PLRG1: variants seen among roughly 807,000 people sequenced by gnomAD.
PLRG1 encodes the protein pleiotropic regulator 1 (PRL1 homolog, Arabidopsis).
A neutral mutation model predicts 74.9 loss-of-function variants in PLRG1; 28 were observed. That is an observed-to-expected ratio of 0.37 (90% confidence interval 0.28 to 0.51). The LOEUF (loss-of-function observed/expected upper bound fraction) is 0.51, where lower values mean the gene tolerates loss of function less well. Ranked by LOEUF, PLRG1 falls within the 20% of genes least tolerant of loss-of-function variation. The probability of loss-of-function intolerance (pLI) is 0.91; values close to 1 mark genes in which losing one functional copy is unlikely to be tolerated. For synonymous variants in PLRG1, 197 were observed against 212.4 expected (o/e 0.93, Z 0.63); for missense variants, 445 against 631.9 (o/e 0.70, Z 3.17).
At chr4:154,550,212 A>G (rs1055182985) in intron 1 of PLRG1, 88 bp downstream of exon 1, 2 of 1,162,050 alleles carry the variant, frequency 1.7e-6, no homozygotes, top group East Asian at 4.7e-5. Context: ...TTCTCTCTGG[A>G]CTCCAAGTAC....
intron 9 of PLRG1, 26 bp downstream of exon 9, chr4:154,540,759 T>G (rs1218876315): frequency 6.2e-7 from 1 of 1,611,644 alleles, no homozygotes; most frequent in Non-Finnish European, 8.5e-7. Flanking sequence ...GTTCACAATG[T>G]TTTAAATCCT....
rs1729527065 is a variant in PLRG1 at position 154,540,026 on chromosome 4, C to T, written c.967G>A (p.Val323Ile). The part of the protein sequence containing the change: ...RIWDVRTKAS[V>I]HTLSGHTNAV... ...TTTGTATGTCCAGATAATGTGTGTACACTGGCTTTAGTTCTCACATCCCAA... is the reference window on the plus strand; with the variant it reads ...TTTGTATGTCCAGATAATGTGTGTATACTGGCTTTAGTTCTCACATCCCAA... The change falls in exon 11 of 15, where the codon GTA (valine) becomes ATA (isoleucine). Residue 323 changes from valine to isoleucine, a missense_variant. Transcript: ENST00000499023. The T allele has an allele frequency of 1.9e-6, 3 of 1,597,338 alleles. No homozygotes were observed. The highest frequency in any genetic ancestry group is 4.5e-5 in the East Asian group (2 of 44,738).
chr4:154,545,735 T>C (rs1286704132), intron 6 of PLRG1, 101 bp downstream of exon 6: 2 of 641,890 alleles, frequency 3.1e-6, no homozygotes, highest in Non-Finnish European at 5.4e-6. Context: ...TATGAATGAC[T>C]AGCTCAGGCT....
intron 4 of PLRG1, chr4:154,546,701 T>C (rs1022243499): frequency 7.5e-6 from 3 of 397,534 alleles, no homozygotes; most frequent in Non-Finnish European, 1.4e-5. Context: ...CTTCTAACAT[T>C]TCCATCATTT....
In PLRG1 at chr4:154,539,245, A is replaced by G. The variant is rs201154483; in HGVS notation, c.1043-32T>C. On this transcript the variant is annotated intron_variant, in intron 11 of 14. Transcript: ENST00000499023. ...TGGAAACACATATATCCCTCAAAAC[A>G]TAGACCAGGAAAAATAATGCAAAAG... The G allele has an allele frequency of 3.7e-5, 44 of 1,199,918 alleles. No homozygotes were observed. The Admixed American group carries it at 6.2e-4, about 17-fold the overall frequency. The allele number at this position is 1,199,918 out of a possible 1,614,324, so 74.3% of individuals were successfully genotyped here.
intron 11 of PLRG1, among the ~76,000 whole-genome samples, chr4:154,539,659 T>C (rs958635080): frequency 3.3e-5 from 5 of 152,078 alleles, no homozygotes; most frequent in South Asian, 2.1e-4. Flanking sequence ...TTCAATTTCT[T>C]AGAAAAATAA....
Position 154,538,001 on chromosome 4 carries a change from G to T in PLRG1, c.1259C>A (p.Thr420Lys). 6.5e-7 allele frequency: 1 copy of T among 1,531,388 alleles called. No individual in the cohort carries two copies. The highest frequency in any genetic ancestry group is 1.4e-5 in the African/African-American group (1 of 73,084). The allele number at this position is 1,531,388 out of a possible 1,614,324, so 94.9% of individuals were successfully genotyped here. ...TACAAGCACTCCATCAGAATTTACCGTCAATGTGTTAATAATAGCATTATG... is the reference window on the plus strand; with the variant it reads ...TACAAGCACTCCATCAGAATTTACCTTCAATGTGTTAATAATAGCATTATG... ...SGHNAIINTLTVNSDGVLVSG... is the reference protein window; with the variant it reads ...SGHNAIINTLKVNSDGVLVSG... Residue 420 changes from threonine to lysine, a missense_variant, in exon 13 of 15, where the codon ACG becomes AAG. Coordinates refer to ENST00000499023, the MANE Select transcript of PLRG1 (RefSeq NM_002669.4).
In PLRG1 at chr4:154,537,968, C is replaced by A; in HGVS notation, c.1291+1G>T. The A allele has an allele frequency of 1.4e-6, 2 of 1,439,830 alleles. No individual in the cohort carries two copies. Among genetic ancestry groups the A allele is most frequent in the Non-Finnish European group, 1.9e-6 (2 of 1,065,846 alleles). 89.2% of individuals were successfully genotyped at this position (1,439,830 alleles called of 1,614,324 possible). A position where few individuals can be genotyped will look rare whatever the true frequency, so the allele number is the denominator to read the frequency against. ...TATTTATTATAAAAATCTTATTTTA[C>A]CTCCAGATACAAGCACTCCATCAGA... On this transcript the variant is annotated splice_donor_variant, in intron 13 of 14. Coordinates refer to ENST00000499023, the MANE Select transcript of PLRG1 (RefSeq NM_002669.4). LOFTEE classifies it high-confidence loss of function.
intron 6 of PLRG1, 136 bp downstream of exon 6, chr4:154,545,700 C>A: frequency 5.7e-6 from 3 of 524,928 alleles, no homozygotes; most frequent in South Asian, 3.3e-5. Flanking sequence ...AATTTACTAC[C>A]AACTTGAGTT....
chr4:154,538,055 TC>T lies in PLRG1; in HGVS notation c.1204del (p.Asp402MetfsTer18). ...PDNIKQWKFP[D>X]GSFIQNLSGH... ...GGAAAGATTTTGAATGAAACTTCCA[TC>T]AGGGAATTTCCACTGCTTTATGTTA... On this transcript the variant is annotated frameshift_variant, in exon 13 of 15. Transcript: ENST00000499023. LOFTEE classifies it high-confidence loss of function. 6.6e-7 allele frequency: 1 copy of T among 1,521,208 alleles called. No individual in the cohort carries two copies. The highest frequency in any genetic ancestry group is 9.0e-7 in the Non-Finnish European group (1 of 1,107,734). 94.2% of individuals were successfully genotyped at this position (1,521,208 alleles called of 1,614,324 possible). A position where few individuals can be genotyped will look rare whatever the true frequency, so the allele number is the denominator to read the frequency against.
chr4:154,538,124 A>G lies in PLRG1; in HGVS notation c.1152-16T>C, dbSNP rs138045874. ...AAATGTGTAACTGAAATAATATTAA[A>G]AAGAATTAACGACAAAGTAAACCAA... On this transcript the variant is annotated splice_polypyrimidine_tract_variant and intron_variant, in intron 12 of 14. Transcript: ENST00000499023. 3.2e-4 allele frequency: 443 copies of G among 1,373,290 alleles called. No homozygotes were observed. In the African/African-American group the frequency reaches 5.6e-3, roughly 17 times the overall value. The allele number at this position is 1,373,290 out of a possible 1,614,324, so 85.1% of individuals were successfully genotyped here. A position where few individuals can be genotyped will look rare whatever the true frequency, so the allele number is the denominator to read the frequency against.
intron 13 of PLRG1, 58 bp from the exon 14 acceptor site, chr4:154,537,537 C>G: frequency 8.0e-7 from 1 of 1,245,260 alleles, no homozygotes; most frequent in East Asian, 2.3e-5. Context: ...GCTTGACAAA[C>G]ATTTATGAAG....
Position 154,550,333 on chromosome 4 carries a change from G to T in PLRG1, c.-25C>A, listed in dbSNP as rs80276344. The T allele has an allele frequency of 8.6e-4, 1,391 of 1,611,168 alleles. 42 individuals are homozygous for T. In the East Asian group the frequency reaches 0.031, roughly 36 times the overall value. ...TGATGCTACCGTGTATCCCACCTCC[G>T]GCAGGGAAGAAACTCTAATCACTAA... On this transcript the variant is annotated 5_prime_UTR_variant, in exon 1 of 15. Transcript: ENST00000499023.
Position 154,547,064 on chromosome 4 carries a change from C to T in PLRG1, c.260G>A (p.Gly87Glu). 1.9e-6 allele frequency: 3 copies of T among 1,610,526 alleles called. No individual in the cohort carries two copies. Among genetic ancestry groups the T allele is most frequent in the Middle Eastern group, 1.7e-4 (1 of 6,026 alleles). The change falls in exon 4 of 15, where the codon GGA (glycine) becomes GAA (glutamate). Residue 87 changes from glycine to glutamate, a missense_variant and splice_region_variant. Coordinates refer to ENST00000499023, the MANE Select transcript of PLRG1 (RefSeq NM_002669.4). ...TGCCACAAAGTATTCAACTTCTTGT[C>T]CTAAAAAAACACAAAAAAAATCAAC... ...YVHKQYPANQ[G>E]QEVEYFVAGT...
intron 1 of PLRG1, chr4:154,549,689 C>G (rs1187081214): frequency 8.8e-6 from 4 of 456,132 alleles, no homozygotes; most frequent in Non-Finnish European, 1.8e-5. Flanking sequence ...ACTTATAGAA[C>G]AAAATGGAAG....
At chr4:154,538,658 T>C (rs1729499461) in intron 12 of PLRG1, among the ~76,000 whole-genome samples, 1 of 151,900 alleles carries the variant, frequency 6.6e-6, no homozygotes, top group African/African-American at 2.4e-5. Flanking sequence ...CACCAAACAA[T>C]AGTTGTGATA....
intron 6 of PLRG1, among the ~76,000 whole-genome samples, 155 bp from the exon 7 acceptor site, chr4:154,544,701 T>C (rs1483793184): frequency 1.3e-5 from 2 of 152,172 alleles, no homozygotes; most frequent in Non-Finnish European, 2.9e-5. Flanking sequence ...AAAAAAGCAA[T>C]TATAAAATCA....
rs1331629131 is a variant in PLRG1 at position 154,536,574 on chromosome 4, C to A, written c.*111G>T. ...CAATGATTGAAGCAAGTGAATTTCT[C>A]CTTTATATTCCCAGCCAGAGCACAA... On this transcript the variant is annotated 3_prime_UTR_variant, in exon 15 of 15. Coordinates refer to ENST00000499023, the MANE Select transcript of PLRG1 (RefSeq NM_002669.4). 4.5e-6 allele frequency: 3 copies of A among 660,868 alleles called. No homozygotes were observed. Among genetic ancestry groups the A allele is most frequent in the Non-Finnish European group, 8.1e-6 (3 of 372,438 alleles). 40.9% of individuals were successfully genotyped at this position (660,868 alleles called of 1,614,324 possible).
intron 12 of PLRG1, among the ~76,000 whole-genome samples, chr4:154,538,319 A>G (rs1486958267): frequency 6.6e-6 from 1 of 152,140 alleles, no homozygotes; most frequent in Non-Finnish European, 1.5e-5. Flanking sequence ...TTTAAGTCCT[A>G]GATTAATGTT....
Sources: allele counts gnomAD v4.1 joint callset (sites outside exome capture counted in the v4.1 genomes callset), GRCh38; gene constraint gnomAD v4.1.1; transcripts MANE v1.5; gene names NCBI Gene and HGNC (gene_info 2026-07-23, HGNC 2026-07-21).